TLL2: variants seen among roughly 807,000 people sequenced by gnomAD.
TLL2 encodes the protein tolloid-like protein 2.
In TLL2, 106 loss-of-function variants were observed where a neutral mutation model predicts 123.0. The observed-to-expected ratio is 0.86, with a 90% CI of 0.74 to 1.01. The LOEUF is 1.01. Ranked by LOEUF, TLL2 falls within the 50% of genes least tolerant of loss-of-function variation. TLL2 has a pLI of 0.00. For synonymous variants in TLL2, 494 were observed against 516.8 expected, an observed-to-expected ratio of 0.96 and a Z score of 0.60; for missense variants, 1,332 against 1,336.7, an observed-to-expected ratio of 1.00 and a Z score of 0.06.
chr10:96,451,741 G>T (rs1846961527), intron 2 of TLL2, among the ~76,000 whole-genome samples: 1 of 152,056 alleles, frequency 6.6e-6, no homozygotes, highest in South Asian at 2.1e-4. Flanking sequence ...TTATATGCAG[G>T]GTAACTGAGG....
At chr10:96,513,152 T>C (rs1214002249) in intron 1 of TLL2, among the ~76,000 whole-genome samples, 7 of 152,064 alleles carry the variant, frequency 4.6e-5, no homozygotes, top group African/African-American at 1.7e-4. Context: ...CCAGTCCAGC[T>C]CTTCTGCTCC....
intron 13 of TLL2, among the ~76,000 whole-genome samples, chr10:96,391,484 C>T (rs1846287500): frequency 6.6e-6 from 1 of 152,166 alleles, no homozygotes; most frequent in Non-Finnish European, 1.5e-5. Flanking sequence ...GGAAAAATTC[C>T]ACCCCCTTCA....
rs1847301798 is a variant in TLL2 at position 96,480,442 on chromosome 10, T to C, written c.193A>G (p.Ile65Val). The change falls in exon 2 of 21, where the codon ATT becomes GTT. Residue 65 changes from isoleucine (I) to valine (V), a missense_variant. Coordinates refer to ENST00000357947, the MANE Select transcript of TLL2 (RefSeq NM_012465.4). Reference sequence around the variant, plus strand: ...TTCAAGTCATCTTCATCTAAGGCAATGTCTCCCCAAAAGACAGCTGGGAAG... The same window carrying C: ...TTCAAGTCATCTTCATCTAAGGCAACGTCTCCCCAAAAGACAGCTGGGAAG... ...PCKAAVFWGD[I>V]ALDEDDLKLF... is the part of the protein sequence containing the mutation. 2 of 1,614,158 alleles carry C rather than the reference T, an allele frequency of 1.2e-6. No individual in the cohort carries two copies.
intron 11 of TLL2, 122 bp from the exon 12 acceptor site, chr10:96,396,142 T>C: frequency 1.7e-6 from 2 of 1,162,134 alleles, no homozygotes; most frequent in Non-Finnish European, 2.4e-6. Context: ...CTCACCAACA[T>C]TTTCATCTCC....
chr10:96,511,666 C>T (rs112820111), intron 1 of TLL2, among the ~76,000 whole-genome samples: 42 of 152,360 alleles, frequency 2.8e-4, no homozygotes, highest in South Asian at 2.1e-3. Flanking sequence ...AAGGCTGAGA[C>T]GGGGAGCTGG....
At chr10:96,369,669 G>A (rs1218918488) in intron 20 of TLL2, among the ~76,000 whole-genome samples, 1 of 150,790 alleles carries the variant, frequency 6.6e-6, no homozygotes. Flanking sequence ...GCTGAGGCAG[G>A]AGAATCGCAT....
Position 96,387,050 on chromosome 10 carries a change from G to A in TLL2, c.1755C>T (p.His585=), listed in dbSNP as rs144026118. 4.3e-6 allele frequency: 7 copies of A among 1,613,998 alleles called. No homozygotes were observed. In the African/African-American group the frequency reaches 5.3e-5, roughly 12 times the overall value. ...KEVDECSWPD[H]GGCEHRCVNT... ...TCACACAGCGATGCTCGCACCCGCC[G>A]TGATCTGGCCAGGAACACTCATCCA... is the stretch of plus-strand genomic sequence containing the variant. The change falls in exon 14 of 21, where the codon CAC becomes CAT. Residue 585 remains histidine, a synonymous_variant. Transcript: ENST00000357947.
chr10:96,448,952 C>G (rs946822644), intron 2 of TLL2, among the ~76,000 whole-genome samples: 25 of 152,160 alleles, frequency 1.6e-4, no homozygotes, highest in Non-Finnish European at 3.5e-4. Context: ...GGCTTTGTAA[C>G]TGCACTGGTT....
intron 3 of TLL2, among the ~76,000 whole-genome samples, chr10:96,433,192 G>A (rs1041629874): frequency 6.6e-6 from 1 of 152,126 alleles, no homozygotes; most frequent in Non-Finnish European, 1.5e-5. Context: ...CTTGTCTGAG[G>A]CCTTGAGAGA....
In TLL2 at chr10:96,376,739, C is replaced by A; in HGVS notation, c.2401G>T (p.Glu801Ter). The A allele has an allele frequency of 6.2e-7, 1 of 1,607,692 alleles. No individual in the cohort carries two copies. The highest frequency in any genetic ancestry group is 8.5e-7 in the Non-Finnish European group (1 of 1,177,460). The stretch of plus-strand genomic sequence containing the variant: ...GTCGAAGAGATGTTCCAGGTACACT[C>A]CCTCCGGCTGGGGTATTTGTCAGGC... ...NWPDKYPSRR[E>*]CTWNISSTAG... is the part of the protein sequence containing the mutation. Residue 801 changes from glutamate (E) to a stop codon, truncating the protein, a stop_gained, in exon 18 of 21, where the codon GAG becomes TAG. Transcript: ENST00000357947. LOFTEE classifies it high-confidence loss of function.
chr10:96,466,236 C>T (rs912763149), intron 2 of TLL2, among the ~76,000 whole-genome samples: 4 of 152,176 alleles, frequency 2.6e-5, no homozygotes, highest in African/African-American at 7.2e-5. Flanking sequence ...GCCAGCTGGG[C>T]CTTTCCTCAG....
At chr10:96,494,992 CAT>C (rs1215193973) in intron 1 of TLL2, among the ~76,000 whole-genome samples, 1 of 152,174 alleles carries the variant, frequency 6.6e-6, no homozygotes, top group Non-Finnish European at 1.5e-5. Context: ...CAATGGAGTC[CAT>C]GGTCACTGAC....
chr10:96,508,796 G>A (rs999842697), intron 1 of TLL2, among the ~76,000 whole-genome samples: 2 of 151,930 alleles, frequency 1.3e-5, no homozygotes, highest in African/African-American at 4.8e-5. Context: ...AATGCCTCGG[G>A]GAATGTGGCA....
chr10:96,391,331 G>T (rs924272612), intron 13 of TLL2, among the ~76,000 whole-genome samples: 1 of 152,232 alleles, frequency 6.6e-6, no homozygotes, highest in African/African-American at 2.4e-5. Context: ...AAGCTGATCT[G>T]CAAGAGAGCG....
At chr10:96,478,438 C>T (rs751121049) in intron 2 of TLL2, among the ~76,000 whole-genome samples, 2 of 152,218 alleles carry the variant, frequency 1.3e-5, no homozygotes, top group Non-Finnish European at 2.9e-5. Flanking sequence ...TACCTACTAA[C>T]GCTGAACTGT....
chr10:96,385,593 G>A (rs1302832619), intron 15 of TLL2, among the ~76,000 whole-genome samples: 5 of 152,194 alleles, frequency 3.3e-5, no homozygotes, highest in Admixed American at 1.3e-4. Flanking sequence ...AGGTGCAGAC[G>A]TAGGCATGCC....
At chr10:96,447,355 CTG>C (rs1369208246) in intron 2 of TLL2, among the ~76,000 whole-genome samples, 2 of 152,244 alleles carry the variant, frequency 1.3e-5, no homozygotes, top group Non-Finnish European at 2.9e-5. Flanking sequence ...GTGTTTTTAT[CTG>C]TGTTTTACCA....
intron 3 of TLL2, among the ~76,000 whole-genome samples, chr10:96,442,332 A>T (rs1401626484): frequency 6.6e-6 from 1 of 152,080 alleles, no homozygotes; most frequent in Non-Finnish European, 1.5e-5. Flanking sequence ...GGGTGGTGGA[A>T]GGGGGGCAAG....
chr10:96,509,076 T>G (rs1381171503), intron 1 of TLL2, among the ~76,000 whole-genome samples: 3 of 152,152 alleles, frequency 2.0e-5, no homozygotes, highest in Non-Finnish European at 2.9e-5. Flanking sequence ...AGAGACCACA[T>G]GGAGAAGCCA....
Sources: gnomAD v4.1 joint callset for allele counts (sites outside exome capture counted in the v4.1 genomes callset) on GRCh38, gnomAD v4.1.1 for gene constraint, MANE v1.5 for transcripts, NCBI Gene and HGNC (gene_info 2026-07-23, HGNC 2026-07-21) for gene names.